The following GALNT5 variants were observed in gnomAD, a reference collection of about 807,000 sequenced individuals.
The protein encoded by GALNT5 is polypeptide N-acetylgalactosaminyltransferase 5.
GALNT5 carries 72 observed loss-of-function variants against 85.4 expected under a neutral mutation model. That is an observed-to-expected ratio of 0.84 (90% CI 0.70 to 1.03). The LOEUF is 1.03. Ranked by LOEUF, GALNT5 falls within the 50% of genes least tolerant of loss-of-function variation. The probability of loss-of-function intolerance (pLI) is 0.00; values close to 1 mark genes in which losing one functional copy is unlikely to be tolerated. For missense variants in GALNT5, 1,137 were observed against 1,135.5 expected, an observed-to-expected ratio of 1.00 and a Z score of -0.02; for synonymous variants, 404 against 397.0, an observed-to-expected ratio of 1.02 and a Z score of -0.21.
At chr2:157,311,175 T>C (rs989535692) in intron 9 of GALNT5, 33 bp from the exon 10 acceptor site, 10 of 1,568,104 alleles carry the variant, frequency 6.4e-6, no homozygotes, top group Admixed American at 1.7e-5. Context: ...AAATTCAGCC[T>C]GTGGCTCATT....
chr2:157,306,648 G>T (rs1343528194), intron 8 of GALNT5, among the ~76,000 whole-genome samples: 5 of 152,212 alleles, frequency 3.3e-5, no homozygotes, highest in East Asian at 1.9e-4. Flanking sequence ...ATTGCAGATT[G>T]TTCTTTGGTA....
chr2:157,312,027 T>G lies in GALNT5; in HGVS notation c.*679T>G, dbSNP rs1456440846. ...TCAAATGCTTATTTAATTCTAGGTA[T>G]GAACACTATTTCAGTTCATTTTGTG... On this transcript the variant is annotated 3_prime_UTR_variant, in exon 10 of 10. Transcript: ENST00000259056. The G allele has an allele frequency of 1.3e-5, 2 of 152,188 alleles. No individual in the cohort carries two copies. Among genetic ancestry groups the G allele is most frequent in the Admixed American group, 6.5e-5 (1 of 15,278 alleles). 9.4% of individuals were successfully genotyped at this position (152,188 alleles called of 1,614,324 possible).
chr2:157,262,287 G>A (rs191363738), intron 1 of GALNT5, among the ~76,000 whole-genome samples: 5 of 151,528 alleles, frequency 3.3e-5, no homozygotes, highest in Admixed American at 6.6e-5. Context: ...ATAACTAGTC[G>A]GTAGTTAACA....
At chr2:157,279,808 C>A (rs908392284) in intron 1 of GALNT5, among the ~76,000 whole-genome samples, 2 of 152,208 alleles carry the variant, frequency 1.3e-5, no homozygotes, top group African/African-American at 4.8e-5. Flanking sequence ...CTTTGGCTCA[C>A]CCTCTGTGGG....
intron 1 of GALNT5, among the ~76,000 whole-genome samples, chr2:157,274,421 G>A (rs1319413790): frequency 6.6e-6 from 1 of 152,168 alleles, no homozygotes; most frequent in African/African-American, 2.4e-5. Context: ...TTCCACAATG[G>A]TTGAACTAGT....
At chr2:157,301,033 AT>A (rs769454558) in intron 7 of GALNT5, 34 bp downstream of exon 7, 1 of 1,461,418 alleles carries the variant, frequency 6.8e-7, no homozygotes, top group Non-Finnish European at 9.4e-7. Flanking sequence ...ATCTTACTCC[AT>A]AAAAACAAAA....
In GALNT5 at chr2:157,269,199, C is replaced by T. The variant is rs145696479; in HGVS notation, c.1454+9663C>T. ...AGAGTTTAAAATGCTGAAAGCTTTG[C>T]GGGGGTTTCCCACTGTTCCTTTGAA... On this transcript the variant is annotated intron_variant, in intron 1 of 9. Transcript: ENST00000259056. Among the ~76,000 whole-genome samples, 36 of 152,240 alleles carry T rather than the reference C, an allele frequency of 2.4e-4. 1 individual carries two copies. In the East Asian group the frequency reaches 6.2e-3, roughly 26 times the overall value.
In GALNT5 at chr2:157,258,115, T is replaced by C; in HGVS notation, c.33T>C (p.Ser11=). Residue 11 remains serine, a synonymous_variant, in exon 1 of 10, where the codon AGT becomes AGC. Coordinates refer to ENST00000259056, the MANE Select transcript of GALNT5 (RefSeq NM_014568.3). MNRIRKFFRG[S]GRVLAFIFVA... ...GGATCCGAAAGTTTTTCCGAGGAAG[T>C]GGGCGAGTCTTGGCATTTATCTTTG... The C allele has an allele frequency of 2.5e-6, 4 of 1,614,042 alleles. No homozygotes were observed. The highest frequency in any genetic ancestry group is 2.5e-6 in the Non-Finnish European group (3 of 1,180,002).
At chr2:157,284,484 A>C in intron 2 of GALNT5, 36 bp downstream of exon 2, 1 of 1,581,510 alleles carries the variant, frequency 6.3e-7, no homozygotes, top group Non-Finnish European at 8.7e-7. Context: ...TTGAAATTTC[A>C]AAGTTTGGCA....
intron 1 of GALNT5, among the ~76,000 whole-genome samples, chr2:157,271,896 T>C (rs1245989415): frequency 6.6e-6 from 1 of 152,178 alleles, no homozygotes; most frequent in Non-Finnish European, 1.5e-5. Flanking sequence ...TACAATCATA[T>C]CACACATAGA....
intron 2 of GALNT5, 75 bp downstream of exon 2, chr2:157,284,523 G>T: frequency 9.3e-7 from 1 of 1,074,944 alleles, no homozygotes. Flanking sequence ...AGTTTGGATG[G>T]CAAAATTATA....
chr2:157,279,398 C>T (rs1310922999), intron 1 of GALNT5, among the ~76,000 whole-genome samples: 2 of 152,368 alleles, frequency 1.3e-5, no homozygotes, highest in East Asian at 1.9e-4. Flanking sequence ...AAGTTGTCTG[C>T]TGCCTTTTGT....
chr2:157,287,622 C>T (rs185970593), intron 3 of GALNT5, among the ~76,000 whole-genome samples: 1 of 152,132 alleles, frequency 6.6e-6, no homozygotes. Context: ...TAATCCTCAC[C>T]CCTCTCTTCT....
intron 1 of GALNT5, among the ~76,000 whole-genome samples, chr2:157,278,391 A>AATATCCTG (rs1224585550): frequency 6.6e-6 from 1 of 152,184 alleles, no homozygotes; most frequent in Non-Finnish European, 1.5e-5. Context: ...TCTCCTGGAT[A>AATATCCTG]ATATCCTGAA....
At position 157,275,097 on chromosome 2, in the gene GALNT5, A is replaced by C. The variant is rs1682689385; in HGVS notation, c.1455-9185A>C. 2.6e-5 allele frequency among the ~76,000 whole-genome samples: 4 copies of C among 151,948 alleles called. No homozygotes were observed. The South Asian group carries it at 8.3e-4, about 32-fold the overall frequency. ...ATTTATTAAATAGGGTCCTTTCTCC[A>C]TTTCTTGTTTTTGTCAGGTTTGTCG... On this transcript the variant is annotated intron_variant, in intron 1 of 9. Transcript: ENST00000259056.
chr2:157,288,672 T>A (rs1378721765), intron 3 of GALNT5, among the ~76,000 whole-genome samples: 2 of 152,240 alleles, frequency 1.3e-5, no homozygotes, highest in African/African-American at 4.8e-5. Flanking sequence ...TTATTCTCAG[T>A]ATAAGGTGAA....
rs1312371918 is a variant in GALNT5 at position 157,311,284 on chromosome 2, T to C, written c.2759T>C (p.Val920Ala). The change falls in exon 10 of 10, where the codon GTA becomes GCA. Residue 920 changes from valine to alanine, a missense_variant. Val to Ala is a moderately conservative substitution (Grantham distance 64). Coordinates refer to ENST00000259056, the MANE Select transcript of GALNT5 (RefSeq NM_014568.3). ...EGNFSQKILKVAACDPVKPYQ... is the reference protein window; with the variant it reads ...EGNFSQKILKAAACDPVKPYQ... ...AATTTTTCTCAAAAGATCCTGAAAG[T>C]AGCTGCCTGTGACCCAGTGAAGCCA... The C allele has an allele frequency of 1.2e-6, 2 of 1,610,948 alleles. No individual in the cohort carries two copies. The highest frequency in any genetic ancestry group is 2.2e-5 in the East Asian group (1 of 44,800).
At chr2:157,270,360 CT>C (rs1682555557) in intron 1 of GALNT5, among the ~76,000 whole-genome samples, 1 of 152,212 alleles carries the variant, frequency 6.6e-6, no homozygotes, top group Non-Finnish European at 1.5e-5. Context: ...AAAGTGCTCA[CT>C]GCCCCTCTGA....
At chr2:157,292,264 C>A (rs187144159) in intron 3 of GALNT5, among the ~76,000 whole-genome samples, 15 of 152,292 alleles carry the variant, frequency 9.8e-5, no homozygotes, top group African/African-American at 3.6e-4. Flanking sequence ...AGGAACAGTG[C>A]GTACAATGTC....
Sources: allele counts gnomAD v4.1 joint callset (sites outside exome capture counted in the v4.1 genomes callset), GRCh38; gene constraint gnomAD v4.1.1; transcripts MANE v1.5; gene names NCBI Gene and HGNC (gene_info 2026-07-23, HGNC 2026-07-21).